The following KALRN variants were observed in gnomAD, a reference collection of about 807,000 sequenced individuals.
The protein encoded by KALRN is kalirin RhoGEF kinase.
Under a neutral mutation model 353.7 loss-of-function variants are expected in KALRN, and 70 were observed. That is an observed-to-expected ratio of 0.20 (90% confidence interval 0.16 to 0.24). KALRN has a LOEUF of 0.24. KALRN is among the 10% of genes least tolerant of loss of function. The pLI is 1.00. For synonymous variants in KALRN, 1,391 were observed against 1,434.8 expected, an observed-to-expected ratio of 0.97 and a Z score of 0.69; for missense variants, 2,791 against 3,756.7, an observed-to-expected ratio of 0.74 and a Z score of 6.72.
At chr3:124,705,826 T>C (rs138671438) in intron 57 of KALRN, among the ~76,000 whole-genome samples, 3,102 of 140,964 alleles carry the variant, frequency 0.022, 94 homozygotes, top group African/African-American at 0.078. Flanking sequence ...CTTCCTCCCT[T>C]CCTTCCTTCC....
At chr3:124,399,696 A>G (rs1448120116) in intron 13 of KALRN, among the ~76,000 whole-genome samples, 1 of 152,264 alleles carries the variant, frequency 6.6e-6, no homozygotes, top group Non-Finnish European at 1.5e-5. Flanking sequence ...CTATTAAGAA[A>G]GTAAGCCTGT....
chr3:124,663,962 T>C (rs2085228467), intron 45 of KALRN, among the ~76,000 whole-genome samples: 1 of 152,224 alleles, frequency 6.6e-6, no homozygotes, highest in Non-Finnish European at 1.5e-5. Flanking sequence ...TGCTTTGCTG[T>C]GACAGGAACT....
chr3:124,358,671 G>A (rs2083683320), intron 10 of KALRN, among the ~76,000 whole-genome samples: 1 of 152,080 alleles, frequency 6.6e-6, no homozygotes, highest in African/African-American at 2.4e-5. Context: ...TACTTTCTGT[G>A]TGCTGGACAC....
intron 33 of KALRN, among the ~76,000 whole-genome samples, chr3:124,559,493 A>G (rs1270033046): frequency 6.6e-6 from 1 of 152,216 alleles, no homozygotes; most frequent in East Asian, 1.9e-4. Context: ...TAGGCATGAA[A>G]GGCCAGACAG....
chr3:124,202,844 C>T (rs141005623), intron 1 of KALRN, among the ~76,000 whole-genome samples: 1 of 152,296 alleles, frequency 6.6e-6, no homozygotes, highest in Non-Finnish European at 1.5e-5. Flanking sequence ...CTTCTAGAGT[C>T]TCTGGAGCTC....
rs200942807 is a variant in KALRN, at chr3:124,132,170, CT to C, written c.74-95817del. ...CCATCATTTCAACAACCCAGTATCT[CT>C]TTCCATCATTAGTGCTGATGACTGG... On this transcript the variant is annotated intron_variant, in intron 1 of 59. Coordinates refer to ENST00000682506, the MANE Select transcript of KALRN (RefSeq NM_001388419.1). Among the ~76,000 whole-genome samples, 1,094 of 152,296 alleles carry C rather than the reference CT, an allele frequency of 7.2e-3. 15 individuals are homozygous for C. The highest frequency in any genetic ancestry group is 0.026 in the African/African-American group (1,061 of 41,576).
At chr3:124,169,574 G>C (rs139452848) in intron 1 of KALRN, among the ~76,000 whole-genome samples, 94 of 152,244 alleles carry the variant, frequency 6.2e-4, no homozygotes, top group African/African-American at 2.1e-3. Context: ...TGTAGTTTAG[G>C]GGGAGGGAAG....
chr3:124,185,959 C>G (rs1174489903), intron 1 of KALRN, among the ~76,000 whole-genome samples: 1 of 152,200 alleles, frequency 6.6e-6, no homozygotes, highest in Non-Finnish European at 1.5e-5. Context: ...CCTGTGGTAT[C>G]TGCCCCTGGG....
At chr3:124,713,868 GTA>G (rs1429350683) in intron 58 of KALRN, among the ~76,000 whole-genome samples, 2 of 152,174 alleles carry the variant, frequency 1.3e-5, no homozygotes, top group Non-Finnish European at 2.9e-5. Flanking sequence ...CCATTGCCGA[GTA>G]TGGCTCCACA....
intron 10 of KALRN, among the ~76,000 whole-genome samples, chr3:124,361,646 C>T (rs553006435): frequency 6.6e-6 from 1 of 152,292 alleles, no homozygotes; most frequent in African/African-American, 2.4e-5. Context: ...GCCAAGCATT[C>T]GGAATTTCTT....
chr3:124,115,438 C>A, intron 1 of KALRN, among the ~76,000 whole-genome samples: 1 of 152,224 alleles, frequency 6.6e-6, no homozygotes, highest in South Asian at 2.1e-4. Context: ...GGCCTTCTCA[C>A]GGGAGCAGTC....
intron 18 of KALRN, among the ~76,000 whole-genome samples, chr3:124,440,105 A>T (rs553605129): frequency 1.3e-5 from 2 of 151,938 alleles, no homozygotes; most frequent in Non-Finnish European, 2.9e-5. Flanking sequence ...ATCCGCACCT[A>T]TATGGGTCAG....
intron 26 of KALRN, 68 bp downstream of exon 26, chr3:124,474,800 G>A (rs1414357619): frequency 3.3e-6 from 4 of 1,229,952 alleles, no homozygotes; most frequent in Non-Finnish European, 4.8e-6. Flanking sequence ...CCTGACCTAA[G>A]GACTGGAGTC....
chr3:124,215,600 T>C (rs1482000148), intron 1 of KALRN, among the ~76,000 whole-genome samples: 2 of 152,154 alleles, frequency 1.3e-5, no homozygotes, highest in African/African-American at 4.8e-5. Flanking sequence ...CAACAGCCTA[T>C]GAAGTGTAGG....
chr3:124,545,250 A>G (rs528074175), intron 33 of KALRN, among the ~76,000 whole-genome samples: 1 of 152,248 alleles, frequency 6.6e-6, no homozygotes, highest in East Asian at 1.9e-4. Context: ...TTTTTTGTAT[A>G]GGAAATGTAA....
chr3:124,052,807 G>A (rs1037627203), intron 1 of KALRN, among the ~76,000 whole-genome samples: 2 of 152,066 alleles, frequency 1.3e-5, no homozygotes, highest in African/African-American at 4.8e-5. Context: ...CTATGTTGGT[G>A]GATATGGTGG....
intron 57 of KALRN, among the ~76,000 whole-genome samples, chr3:124,711,934 A>G (rs1434725296): frequency 6.6e-6 from 1 of 152,204 alleles, no homozygotes; most frequent in East Asian, 1.9e-4. Context: ...TAATAAGAAG[A>G]TAACAAACAT....
chr3:124,626,996 A>G (rs1024762113), intron 34 of KALRN, among the ~76,000 whole-genome samples: 13 of 152,188 alleles, frequency 8.5e-5, no homozygotes, highest in African/African-American at 3.1e-4. Flanking sequence ...AGAGAACGAT[A>G]TTATTGTTGT....
chr3:124,156,479 C>G (rs757950758), intron 1 of KALRN, among the ~76,000 whole-genome samples: 3 of 152,128 alleles, frequency 2.0e-5, no homozygotes, highest in African/African-American at 7.2e-5. Flanking sequence ...CATTCCTGTT[C>G]CCCGCCATGT....
Sources: gnomAD v4.1 joint callset for allele counts (sites outside exome capture counted in the v4.1 genomes callset) on GRCh38, gnomAD v4.1.1 for gene constraint, MANE v1.5 for transcripts, NCBI Gene and HGNC (gene_info 2026-07-23, HGNC 2026-07-21) for gene names.